RPL13: variants seen among roughly 807,000 people sequenced by gnomAD.
RPL13 encodes large ribosomal subunit protein eL13.
RPL13 carries 1 observed loss-of-function variant against 21.4 expected under a neutral mutation model. The observed-to-expected ratio is 0.05, with a 90% CI of 0.02 to 0.22. The LOEUF is 0.22. RPL13 is among the 10% of genes least tolerant of loss of function. The pLI is 1.00. For synonymous variants in RPL13, 143 were observed against 120.5 expected (o/e 1.19, Z -1.23); for missense variants, 289 against 303.0 (o/e 0.95, Z 0.34).
downstream of RPL13, chr16:89,565,305 G>A (rs2058778328): frequency 1.3e-5 from 2 of 152,494 alleles, no homozygotes; most frequent in Non-Finnish European, 2.9e-5. Context: ...GGGCTGGGCT[G>A]GGCCGGGCTG....
rs899987873 is a variant in RPL13, at chr16:89,560,735, C to G, written c.-21+23C>G. On this transcript the variant is annotated intron_variant, in intron 1 of 5. Coordinates refer to ENST00000311528, the MANE Select transcript of RPL13 (RefSeq NM_000977.4). ...GAGGTGAGGGAGACTGGGTCCTGGC[C>G]TTTGGGCATCATCCAGCGCCATCGG... 3.2e-5 allele frequency: 16 copies of G among 506,280 alleles called. No individual in the cohort carries two copies. The East Asian group carries it at 4.6e-4, about 14-fold the overall frequency. 31.4% of individuals were successfully genotyped at this position (506,280 alleles called of 1,614,324 possible).
chr16:89,561,775 T>C (rs1490493581), intron 4 of RPL13, 24 bp downstream of exon 4: 1 of 1,605,214 alleles, frequency 6.2e-7, no homozygotes, highest in Non-Finnish European at 8.5e-7. Context: ...TCTCTGGCCG[T>C]CCTGGTGCGC....
chr16:89,561,179 C>G, intron 2 of RPL13, 48 bp from the exon 3 acceptor site: 1 of 1,515,676 alleles, frequency 6.6e-7, no homozygotes, highest in Non-Finnish European at 8.8e-7. Context: ...GAGCGCTGGC[C>G]TGGCGGCCTT....
In RPL13 at chr16:89,561,523, C is replaced by T. The variant is rs754075884; in HGVS notation, c.247-55C>T. 2.5e-6 allele frequency: 4 copies of T among 1,612,928 alleles called. No individual in the cohort carries two copies. In the South Asian group the frequency reaches 4.4e-5, roughly 18 times the overall value. ...GATTGCTGAGGCTTTTCATCCAGGCCTCGGGGCTGGAGAAAGCCCGGGCCT... is the reference window on the plus strand; with the variant it reads ...GATTGCTGAGGCTTTTCATCCAGGCTTCGGGGCTGGAGAAAGCCCGGGCCT... On this transcript the variant is annotated intron_variant, in intron 3 of 5. Coordinates refer to ENST00000311528, the MANE Select transcript of RPL13 (RefSeq NM_000977.4).
intron 5 of RPL13, 145 bp from the exon 6 acceptor site, chr16:89,562,739 A>T: frequency 1.3e-6 from 1 of 748,554 alleles, no homozygotes. Context: ...AGGGAAGGTG[A>T]TTGACTCAGG....
rs2058746476 is a variant in RPL13, at chr16:89,561,728, G to A, written c.397G>A (p.Ala133Thr). Residue 133 changes from alanine to threonine, a missense_variant, in exon 4 of 6, where the codon GCC (alanine) becomes ACC (threonine). Ala to Thr is a moderately conservative substitution (Grantham distance 58). Coordinates refer to ENST00000311528, the MANE Select transcript of RPL13 (RefSeq NM_000977.4). ...KLILFPRKPS[A>T]PKKGDSSAEE... ...CATCCTCTTCCCCAGGAAGCCCTCG[G>A]CCCCCAAGAAGGGAGACAGTTCTGT... is the stretch of plus-strand genomic sequence containing the variant. 3 of 1,613,600 alleles carry A rather than the reference G, an allele frequency of 1.9e-6. No individual in the cohort carries two copies. The African/African-American group carries it at 4.0e-5, about 22-fold the overall frequency.
intron 3 of RPL13, 32 bp from the exon 4 acceptor site, chr16:89,561,546 C>G: frequency 6.2e-7 from 1 of 1,613,236 alleles, no homozygotes; most frequent in South Asian, 1.1e-5. Context: ...AAAGCCCGGG[C>G]CTGTCTCCAT....
Position 89,561,585 on chromosome 16 carries a change from G to A in RPL13, c.254G>A (p.Gly85Asp), listed in dbSNP as rs201874909. The change falls in exon 4 of 6, where the codon GGC becomes GAC. Residue 85 changes from glycine to aspartate, a missense_variant. Transcript: ENST00000311528. ...GFSLEELRVAGIHKKVARTIG... is the reference protein window; with the variant it reads ...GFSLEELRVADIHKKVARTIG... ...TCTCTGGTTCTGGGGCAGGTGGCCG[G>A]CATTCACAAGAAGGTGGCCCGGACC... The A allele has an allele frequency of 2.5e-6, 4 of 1,613,422 alleles. No homozygotes were observed. The Admixed American group carries it at 5.0e-5, about 20-fold the overall frequency.
intron 5 of RPL13, 152 bp from the exon 6 acceptor site, chr16:89,562,732 G>A (rs1448612676): frequency 2.8e-6 from 2 of 713,838 alleles, no homozygotes; most frequent in Non-Finnish European, 4.4e-6. Context: ...AAATCCCAGG[G>A]AAGGTGATTG....
chr16:89,565,282 TGTGG>T (rs1399040185), downstream of RPL13: 1 of 123,654 alleles, frequency 8.1e-6, no homozygotes, highest in African/African-American at 2.7e-5. Flanking sequence ...GGGTCATGGA[TGTGG>T]GCTGGGCTGG....
Position 89,562,399 on chromosome 16 carries a change from A to G in RPL13, c.477+8A>G. On this transcript the variant is annotated splice_region_variant and intron_variant, in intron 5 of 5. Transcript: ENST00000311528. ...GTCATGCCCGTCCGGAACGTAAGTG[A>G]ACACTTACTCAAATCCAGGCTTCAG... 1.9e-6 allele frequency: 3 copies of G among 1,610,000 alleles called. No homozygotes were observed. The South Asian group carries it at 3.3e-5, about 18-fold the overall frequency.
downstream of RPL13, chr16:89,565,402 G>A (rs2058780044): frequency 6.6e-6 from 1 of 152,290 alleles, no homozygotes; most frequent in African/African-American, 2.4e-5. Flanking sequence ...CAGGATAGCT[G>A]GGGGGCTGGG....
At chr16:89,561,447 C>T (rs2058743797) in intron 3 of RPL13, 79 bp downstream of exon 3, 5 of 1,612,062 alleles carry the variant, frequency 3.1e-6, no homozygotes, top group African/African-American at 2.7e-5. Context: ...TGACATTCTC[C>T]GGAATCGCTG....
At chr16:89,561,831 G>A (rs929150646) in intron 4 of RPL13, 80 bp downstream of exon 4, 7 of 1,472,224 alleles carry the variant, frequency 4.8e-6, no homozygotes, top group Admixed American at 1.9e-5. Context: ...CCGGTCCCTG[G>A]GTCTTGCTGG....
In RPL13 at chr16:89,562,879, T is replaced by C; in HGVS notation, c.478-5T>C. The C allele has an allele frequency of 6.4e-7, 1 of 1,556,750 alleles. No homozygotes were observed. Among genetic ancestry groups the C allele is most frequent in the South Asian group, 1.2e-5 (1 of 82,990 alleles). On this transcript the variant is annotated splice_polypyrimidine_tract_variant and splice_region_variant and intron_variant, in intron 5 of 5. Coordinates refer to ENST00000311528, the MANE Select transcript of RPL13 (RefSeq NM_000977.4). The stretch of plus-strand genomic sequence containing the variant: ...TGGGTTTAACAACCTGTCTTTCTCT[T>C]CTAGGTCTATAAGAAGGAGAAAGCT...
In RPL13 at chr16:89,562,940, C is replaced by T. The variant is rs182185080; in HGVS notation, c.534C>T (p.Ala178=). The change falls in exon 6 of 6, where the codon GCC becomes GCT. Residue 178 remains alanine, a synonymous_variant. Transcript: ENST00000311528. ...VITEEEKNFK[A]FASLRMARAN... ...CTGAGGAAGAGAAGAATTTCAAAGCCTTCGCTAGTCTCCGTATGGCCCGTG... is the reference window on the plus strand; with the variant it reads ...CTGAGGAAGAGAAGAATTTCAAAGCTTTCGCTAGTCTCCGTATGGCCCGTG... 4.6e-5 allele frequency: 74 copies of T among 1,598,018 alleles called. No individual in the cohort carries two copies. Among genetic ancestry groups the T allele is most frequent in the Non-Finnish European group, 6.1e-5 (72 of 1,173,560 alleles).
intron 1 of RPL13, 95 bp downstream of exon 1, chr16:89,560,807 G>C (rs2058737017): frequency 1.7e-6 from 1 of 575,224 alleles, no homozygotes; most frequent in South Asian, 2.3e-5. Flanking sequence ...CTTCTTCTTC[G>C]CAGACAGCGT....
In RPL13 at chr16:89,561,478, A is replaced by G. The variant is rs569976983; in HGVS notation, c.247-100A>G. On this transcript the variant is annotated intron_variant, in intron 3 of 5. Transcript: ENST00000311528. ...CGCTGTACGGCCTTGATGAAAGCAC[A>G]TTTGAACCCTTTTCCATCTGATTGC... is the stretch of plus-strand genomic sequence containing the variant. 4.3e-6 allele frequency: 7 copies of G among 1,612,208 alleles called. No homozygotes were observed. The Admixed American group carries it at 1.0e-4, about 23-fold the overall frequency.
At chr16:89,565,700 T>C (rs11646515), downstream of RPL13, 1,579 of 149,418 alleles carry the variant, frequency 0.011, 7 homozygotes, top group Non-Finnish European at 0.018. Context: ...TGTGTGGGCC[T>C]GACCTAGGGG....
Sources: gnomAD v4.1 joint callset for allele counts on GRCh38, gnomAD v4.1.1 for gene constraint, MANE v1.5 for transcripts, NCBI Gene and HGNC (gene_info 2026-07-23, HGNC 2026-07-21) for gene names.